ZNF532: variants seen among roughly 807,000 people sequenced by gnomAD.
ZNF532 encodes zinc finger protein 532.
In ZNF532, 22 loss-of-function variants were observed where a neutral mutation model predicts 89.3. The observed-to-expected ratio is 0.25, with a 90% CI of 0.18 to 0.35. ZNF532 has a LOEUF of 0.35. Ranked by LOEUF, ZNF532 falls within the 10% of genes least tolerant of loss-of-function variation. The probability of loss-of-function intolerance (pLI) is 1.00; values close to 1 mark genes in which losing one functional copy is unlikely to be tolerated. For synonymous variants in ZNF532, 606 were observed against 649.6 expected, an observed-to-expected ratio of 0.93 and a Z score of 1.02; for missense variants, 1,132 against 1,643.4, an observed-to-expected ratio of 0.69 and a Z score of 5.38.
chr18:58,966,749 T>G (rs1247452255), intron 7 of ZNF532, among the ~76,000 whole-genome samples: 323 of 151,176 alleles, frequency 2.1e-3, no homozygotes, highest in African/African-American at 7.6e-3. Context: ...TTTTTTTTTT[T>G]TTTTTTTTTT....
At chr18:58,902,620 G>C (rs530912334) in intron 2 of ZNF532, among the ~76,000 whole-genome samples, 2 of 152,016 alleles carry the variant, frequency 1.3e-5, no homozygotes, top group South Asian at 2.1e-4. Context: ...AGCCTCTCGA[G>C]TAGCTGGGAT....
At chr18:58,957,002 T>C (rs1448721337) in intron 7 of ZNF532, among the ~76,000 whole-genome samples, 1 of 152,214 alleles carries the variant, frequency 6.6e-6, no homozygotes, top group Non-Finnish European at 1.5e-5. Context: ...TTTCTTGAAT[T>C]AATAGACCAA....
chr18:58,863,592 A>C (rs2056160011), upstream of ZNF532: 1 of 145,766 alleles, frequency 6.9e-6, no homozygotes, highest in Non-Finnish European at 1.5e-5. Flanking sequence ...AACGCAGATG[A>C]CACGCCCGTA....
chr18:58,970,432 G>T (rs193157354), intron 7 of ZNF532, among the ~76,000 whole-genome samples: 280 of 152,318 alleles, frequency 1.8e-3, no homozygotes, highest in Middle Eastern at 6.8e-3. Flanking sequence ...AACCAGGGAG[G>T]CTTCAAAGGT....
chr18:58,879,603 C>T (rs1374299129), intron 2 of ZNF532, among the ~76,000 whole-genome samples: 1 of 152,056 alleles, frequency 6.6e-6, no homozygotes, highest in Non-Finnish European at 1.5e-5. Context: ...GTTGGCTGGG[C>T]TGGTCTCGAA....
chr18:58,872,780 A>G lies in ZNF532; in HGVS notation c.-18+7201A>G, dbSNP rs151305526. Among the ~76,000 whole-genome samples the G allele has an allele frequency of 4.3e-3, 646 of 149,864 alleles. 3 individuals carry two copies. The highest frequency in any genetic ancestry group is 6.9e-3 in the Non-Finnish European group (465 of 67,520). ...AGTGGCGTGATCTCGGCTCACTGCA[A>G]CCTCCGCCTTCCGGGTTCAAGCGAT... On this transcript the variant is annotated intron_variant, in intron 2 of 9. Coordinates refer to ENST00000591808, the MANE Select transcript of ZNF532 (RefSeq NM_001375912.1).
At position 58,896,740 on chromosome 18, in the gene ZNF532, AAC is replaced by A. The variant is rs1442479170; in HGVS notation, c.-17-21528_-17-21527del. The A allele has an allele frequency of 2.0e-5, 3 of 152,348 alleles. No homozygotes were observed. In the South Asian group the frequency reaches 6.2e-4, roughly 32 times the overall value. The allele number at this position is 152,348 out of a possible 1,614,324, so 9.4% of individuals were successfully genotyped here. A position where few individuals can be genotyped will look rare whatever the true frequency, so the allele number is the denominator to read the frequency against. On this transcript the variant is annotated intron_variant, in intron 2 of 9. Coordinates refer to ENST00000591808, the MANE Select transcript of ZNF532 (RefSeq NM_001375912.1). ...TGTAGAGGTATTTATTAAGTAAAAC[AAC>A]ACCACCACATGACGGACATAAATAT...
chr18:58,911,447 G>A (rs1436051474), intron 2 of ZNF532, among the ~76,000 whole-genome samples: 2 of 152,196 alleles, frequency 1.3e-5, no homozygotes, highest in African/African-American at 4.8e-5. Flanking sequence ...CACAGCCTTA[G>A]GCCAGGCAGG....
intron 2 of ZNF532, among the ~76,000 whole-genome samples, chr18:58,888,040 A>C (rs62095474): frequency 0.13 from 19,787 of 152,274 alleles, 1,663 homozygotes; most frequent in Middle Eastern, 0.24. Context: ...TGGAAGGAGC[A>C]GAACTTCATA....
intron 7 of ZNF532, among the ~76,000 whole-genome samples, chr18:58,977,129 G>GAAATTTTCTCCT (rs1381615981): frequency 6.6e-6 from 1 of 152,120 alleles, no homozygotes; most frequent in Non-Finnish European, 1.5e-5. Flanking sequence ...ACTTGGAGAA[G>GAAATTTTCTCCT]AAATTTTCTC....
intron 7 of ZNF532, chr18:58,964,159 G>A (rs570404013): frequency 2.0e-5 from 3 of 152,302 alleles, no homozygotes; most frequent in East Asian, 3.9e-4. Context: ...TAATCTAAAT[G>A]TAGGGATATA....
chr18:58,941,568 T>TC (rs2146681162), intron 5 of ZNF532, among the ~76,000 whole-genome samples: 1 of 148,866 alleles, frequency 6.7e-6, no homozygotes, highest in East Asian at 2.1e-4. Flanking sequence ...GCTCAGGTGA[T>TC]CCTCCTGCCT....
At chr18:58,871,908 T>C (rs1157848410) in intron 2 of ZNF532, among the ~76,000 whole-genome samples, 1 of 152,250 alleles carries the variant, frequency 6.6e-6, no homozygotes, top group Admixed American at 6.5e-5. Context: ...TTTTATGTAT[T>C]CTTTGAAAAG....
At chr18:58,925,972 A>G (rs1301865580) in intron 3 of ZNF532, among the ~76,000 whole-genome samples, 1 of 152,224 alleles carries the variant, frequency 6.6e-6, no homozygotes. Flanking sequence ...ACCAGTATCT[A>G]CAGTCTGAGT....
At position 58,920,078 on chromosome 18, in the gene ZNF532, C is replaced by T; in HGVS notation, c.1791C>T (p.Tyr597=). 1 of 1,613,978 alleles carries T rather than the reference C, an allele frequency of 6.2e-7. No individual in the cohort carries two copies. The highest frequency in any genetic ancestry group is 8.5e-7 in the Non-Finnish European group (1 of 1,179,876). The change falls in exon 3 of 10, where the codon TAC becomes TAT. Residue 597 remains tyrosine (Y), a synonymous_variant. Coordinates refer to ENST00000591808, the MANE Select transcript of ZNF532 (RefSeq NM_001375912.1). ...GCAGTGTCAATCCAGTCCCTGTTTA[C>T]ATCCCAAACCTCAGTCCTCCCGCCA... ...VLSSVNPVPV[Y]IPNLSPPANA...
chr18:58,978,920 G>A, intron 7 of ZNF532, 135 bp from the exon 8 acceptor site: 1 of 666,404 alleles, frequency 1.5e-6, no homozygotes, highest in Non-Finnish European at 2.7e-6. Flanking sequence ...TCCATGTGTA[G>A]TGTCATGTCA....
At chr18:58,877,120 G>T (rs533602178) in intron 2 of ZNF532, among the ~76,000 whole-genome samples, 52 of 152,306 alleles carry the variant, frequency 3.4e-4, no homozygotes, top group African/African-American at 1.2e-3. Flanking sequence ...TCAGTATCCA[G>T]TGAGAGATGC....
At chr18:58,869,924 G>A (rs1211664767) in intron 2 of ZNF532, among the ~76,000 whole-genome samples, 1 of 151,722 alleles carries the variant, frequency 6.6e-6, no homozygotes, top group Non-Finnish European at 1.5e-5. Flanking sequence ...GTGCCACCAT[G>A]CCTGGCTAAT....
chr18:58,895,085 C>T (rs1431301172), intron 2 of ZNF532, among the ~76,000 whole-genome samples: 1 of 152,236 alleles, frequency 6.6e-6, no homozygotes, highest in African/African-American at 2.4e-5. Flanking sequence ...GAGCCATTGG[C>T]AGAGGCTCTA....
Sources: allele counts gnomAD v4.1 joint callset (sites outside exome capture counted in the v4.1 genomes callset), GRCh38; gene constraint gnomAD v4.1.1; transcripts MANE v1.5; gene names NCBI Gene and HGNC (gene_info 2026-07-23, HGNC 2026-07-21).